Variants in BIRC6 observed in about 807,000 individuals in gnomAD.
BIRC6 encodes baculoviral IAP repeat containing 6, also known as dual E2 ubiquitin-conjugating enzyme/E3 ubiquitin-protein ligase BIRC6.
In BIRC6, 98 loss-of-function variants were observed where a neutral mutation model predicts 503.3. The ratio of observed to expected loss-of-function variants is 0.19; its 90% CI spans 0.17 to 0.23. The LOEUF is 0.23. Ranked by LOEUF, BIRC6 falls within the 10% of genes least tolerant of loss-of-function variation. The probability of loss-of-function intolerance (pLI) is 1.00; values close to 1 mark genes in which losing one functional copy is unlikely to be tolerated. For synonymous variants in BIRC6, 2,240 were observed against 2,078.7 expected (o/e 1.08, Z -2.11); for missense variants, 5,360 against 5,806.0 (o/e 0.92, Z 2.50).
chr2:32,540,626 C>G (rs1253226235), intron 61 of BIRC6, among the ~76,000 whole-genome samples: 4 of 151,954 alleles, frequency 2.6e-5, no homozygotes, highest in Non-Finnish European at 4.4e-5. Flanking sequence ...TATTAATACC[C>G]TAAAACAGTT....
intron 61 of BIRC6, among the ~76,000 whole-genome samples, chr2:32,541,978 G>T (rs1456573277): frequency 6.6e-6 from 1 of 152,000 alleles, no homozygotes; most frequent in Non-Finnish European, 1.5e-5. Context: ...GTGGTTTGAG[G>T]ATACTGGTAG....
At chr2:32,563,613 A>G (rs1255804592) in intron 65 of BIRC6, 3 of 152,256 alleles carry the variant, frequency 2.0e-5, no homozygotes. Flanking sequence ...ATGTATATGA[A>G]TAAGTACTTA....
intron 65 of BIRC6, among the ~76,000 whole-genome samples, chr2:32,553,284 G>C (rs1431958385): frequency 0.025 from 2 of 80 alleles, no homozygotes; most frequent in East Asian, 0.5. Context: ...TCTAGCAAAA[G>C]ATTTTTGTGA....
chr2:32,611,666 G>A (rs2062883078), intron 73 of BIRC6, 84 bp downstream of exon 73: 3 of 1,257,294 alleles, frequency 2.4e-6, no homozygotes, highest in South Asian at 4.8e-5. Flanking sequence ...GAAGATAATG[G>A]GAGGGAGGGA....
chr2:32,528,320 T>A (rs2056449841), intron 59 of BIRC6: 1 of 151,672 alleles, frequency 6.6e-6, no homozygotes, highest in South Asian at 2.1e-4. Flanking sequence ...GCCTCCTGGG[T>A]TCAAGCAGTT....
intron 66 of BIRC6, among the ~76,000 whole-genome samples, chr2:32,589,812 T>C (rs1176576317): frequency 6.6e-6 from 1 of 152,242 alleles, no homozygotes; most frequent in Non-Finnish European, 1.5e-5. Flanking sequence ...TCCGTATGTC[T>C]GGTGATGTTT....
At chr2:32,482,051 A>G (rs1323015134) in intron 38 of BIRC6, among the ~76,000 whole-genome samples, 1 of 152,200 alleles carries the variant, frequency 6.6e-6, no homozygotes. Context: ...TAGATCACCA[A>G]CATTTCAGAC....
At position 32,533,518 on chromosome 2, in the gene BIRC6, A is replaced by T. The variant is rs183936113; in HGVS notation, c.12291+1967A>T. The stretch of plus-strand genomic sequence containing the variant: ...GATCACAGAAGGTGCTAAAATTTAG[A>T]TATTTGCTATCAGAAAAGCATGCTC... On this transcript the variant is annotated intron_variant, in intron 61 of 73. Transcript: ENST00000421745. Among the ~76,000 whole-genome samples the T allele has an allele frequency of 3.3e-3, 496 of 152,348 alleles. 4 individuals carry two copies. The highest frequency in any genetic ancestry group is 5.7e-3 in the Non-Finnish European group (388 of 68,026).
intron 66 of BIRC6, among the ~76,000 whole-genome samples, chr2:32,583,694 G>T (rs755792497): frequency 6.6e-6 from 1 of 152,126 alleles, no homozygotes; most frequent in East Asian, 1.9e-4. Context: ...CATTTTGAAT[G>T]TGTACTTTAC....
intron 65 of BIRC6, among the ~76,000 whole-genome samples, chr2:32,560,005 G>C (rs1026953366): frequency 6.6e-6 from 1 of 152,014 alleles, no homozygotes; most frequent in African/African-American, 2.4e-5. Context: ...AACAGGGTGA[G>C]ACTTCATCTC....
chr2:32,358,801 G>T (rs1452466115), intron 1 of BIRC6, among the ~76,000 whole-genome samples: 1 of 152,206 alleles, frequency 6.6e-6, no homozygotes, highest in Non-Finnish European at 1.5e-5. Flanking sequence ...ATATCTAAGA[G>T]AAAGTTTTGG....
At chr2:32,583,684 C>T (rs1330778601) in intron 66 of BIRC6, among the ~76,000 whole-genome samples, 1 of 152,144 alleles carries the variant, frequency 6.6e-6, no homozygotes, top group African/African-American at 2.4e-5. Flanking sequence ...AGTTTAATAG[C>T]ATTTTGAATG....
At chr2:32,573,000 T>A (rs2060020576) in intron 65 of BIRC6, among the ~76,000 whole-genome samples, 1 of 152,168 alleles carries the variant, frequency 6.6e-6, no homozygotes, top group Admixed American at 6.5e-5. Flanking sequence ...CTGAGGCAAT[T>A]CCTACCTCTA....
At chr2:32,465,383 T>G (rs1373406052) in intron 26 of BIRC6, among the ~76,000 whole-genome samples, 45 of 152,044 alleles carry the variant, frequency 3.0e-4, no homozygotes, top group African/African-American at 1.1e-3. Flanking sequence ...ATGGATTTGA[T>G]CTATATATGA....
chr2:32,469,450 G>A lies in BIRC6; in HGVS notation c.6183G>A (p.Glu2061=), dbSNP rs749244850. 3 of 1,613,928 alleles carry A rather than the reference G, an allele frequency of 1.9e-6. No individual in the cohort carries two copies. The highest frequency in any genetic ancestry group is 2.2e-5 in the East Asian group (1 of 44,876). The change falls in exon 30 of 74, where the codon GAG becomes GAA. Residue 2061 remains glutamate, a synonymous_variant. Transcript: ENST00000421745. ...CATTTCATGCCCAGGCCTGTGAAGA[G>A]CTCTTTAAACACTTGTGCATCAGTG... The part of the protein sequence containing the change: ...QSTFHAQACE[E]LFKHLCISGT...
rs923029463 is a variant in BIRC6 at position 32,415,883 on chromosome 2, C to T, written c.2592C>T (p.Pro864=). 42 of 1,613,758 alleles carry T rather than the reference C, an allele frequency of 2.6e-5. No individual in the cohort carries two copies. The highest frequency in any genetic ancestry group is 8.9e-5 in the East Asian group (4 of 44,892). The change falls in exon 10 of 74, where the codon CCC becomes CCT. Residue 864 remains proline, a synonymous_variant. Transcript: ENST00000421745. ...TTACCTCGCTCATTTTGCTTCCACC[C>T]GATATATTGGATAATCGAGAGGATG... The part of the protein sequence containing the change: ...DTITSLILLP[P]DILDNREDDC...
chr2:32,542,855 G>A (rs138004140), intron 61 of BIRC6, among the ~76,000 whole-genome samples: 109 of 152,120 alleles, frequency 7.2e-4, no homozygotes, highest in African/African-American at 2.5e-3. Flanking sequence ...GCTGGAGTGC[G>A]GTGGTGTGAT....
intron 2 of BIRC6, among the ~76,000 whole-genome samples, chr2:32,377,975 T>C (rs548300915): frequency 6.6e-6 from 1 of 152,240 alleles, no homozygotes; most frequent in Non-Finnish European, 1.5e-5. Context: ...TGTTTTTAGG[T>C]GTGAATGGTG....
chr2:32,497,918 C>T (rs1049729769), intron 45 of BIRC6, among the ~76,000 whole-genome samples: 10 of 152,102 alleles, frequency 6.6e-5, no homozygotes, highest in African/African-American at 2.4e-4. Context: ...TAATTATTGA[C>T]ATGCTGGATT....
Sources: allele counts gnomAD v4.1 joint callset (sites outside exome capture counted in the v4.1 genomes callset), GRCh38; gene constraint gnomAD v4.1.1; transcripts MANE v1.5; gene names NCBI Gene and HGNC (gene_info 2026-07-23, HGNC 2026-07-21).